Variants in MOCOS observed in about 807,000 individuals in gnomAD.
MOCOS encodes the protein molybdenum cofactor sulfurase, also known as human molybdenum cofactor sulfurase.
Under a neutral mutation model 83.6 loss-of-function variants are expected in MOCOS, and 86 were observed. The observed-to-expected ratio is 1.03, with a 90% CI of 0.86 to 1.23. The LOEUF is 1.23. Ranked by LOEUF, MOCOS falls within the 50% of genes most tolerant of loss-of-function variation. MOCOS has a pLI of 0.00. For synonymous variants in MOCOS, 445 were observed against 434.7 expected (o/e 1.02, Z -0.29); for missense variants, 1,120 against 1,126.9 (o/e 0.99, Z 0.09).
intron 9 of MOCOS, among the ~76,000 whole-genome samples, chr18:36,240,131 A>C (rs1163497161): frequency 7.4e-6 from 1 of 135,790 alleles, no homozygotes; most frequent in Non-Finnish European, 1.6e-5. Context: ...TTCTTCTCTC[A>C]GCTCGTCAAA....
chr18:36,260,026 G>A lies in MOCOS; in HGVS notation c.2271-11G>A. The A allele has an allele frequency of 6.2e-7, 1 of 1,614,096 alleles. No homozygotes were observed. The highest frequency in any genetic ancestry group is 2.2e-5 in the East Asian group (1 of 44,876). On this transcript the variant is annotated splice_polypyrimidine_tract_variant and intron_variant, in intron 12 of 14. Coordinates refer to ENST00000261326, the MANE Select transcript of MOCOS (RefSeq NM_017947.4). ...CTCCCCCTACTTACTCTTTTTGGTT[G>A]CTTTAATCAGTGATGAGAATGGAAA...
intron 7 of MOCOS, among the ~76,000 whole-genome samples, chr18:36,215,197 T>C (rs79735856): frequency 0.022 from 3,414 of 152,314 alleles, 130 homozygotes; most frequent in African/African-American, 0.077. Context: ...AACCTTAGTC[T>C]GTGTTTTGAC....
At chr18:36,243,103 TG>T (rs1404144968) in intron 9 of MOCOS, among the ~76,000 whole-genome samples, 1 of 152,240 alleles carries the variant, frequency 6.6e-6, no homozygotes, top group Non-Finnish European at 1.5e-5. Flanking sequence ...GCAGTGCTAC[TG>T]ATTTGTGTAC....
chr18:36,264,001 C>G (rs1243112441), intron 13 of MOCOS, among the ~76,000 whole-genome samples: 1 of 151,986 alleles, frequency 6.6e-6, no homozygotes, highest in Non-Finnish European at 1.5e-5. Context: ...ACATGCAGAA[C>G]CCGTCTCTAC....
rs751225727 is a variant in MOCOS at position 36,220,188 on chromosome 18, G to A, written c.1931G>A (p.Arg644Gln). ...LCLIQPFIDL[R>Q]QRIMVIKAKG... ...CTGATCCAGCCCTTCATCGACTTGC[G>A]GCAAAGGATCATGGTCATCAAAGCC... The change falls in exon 9 of 15, where the codon CGG becomes CAG. Residue 644 changes from arginine (R) to glutamine (Q), a missense_variant. Arg to Gln is a conservative substitution (Grantham distance 43, BLOSUM62 1). Transcript: ENST00000261326. 7.4e-6 allele frequency: 12 copies of A among 1,613,998 alleles called. No individual in the cohort carries two copies. Among genetic ancestry groups the A allele is most frequent in the East Asian group, 2.2e-5 (1 of 44,888 alleles).
At chr18:36,209,368 G>A (rs1452674963) in intron 6 of MOCOS, among the ~76,000 whole-genome samples, 2 of 151,910 alleles carry the variant, frequency 1.3e-5, no homozygotes, top group Non-Finnish European at 2.9e-5. Flanking sequence ...GTTTTTTATT[G>A]TACAGGTGGT....
At chr18:36,248,774 G>T in intron 9 of MOCOS, 148 bp from the exon 10 acceptor site, 1 of 686,066 alleles carries the variant, frequency 1.5e-6, no homozygotes, top group Non-Finnish European at 2.6e-6. Flanking sequence ...TTATATTTTG[G>T]TTCTGTATCC....
Position 36,215,814 on chromosome 18 carries a change from C to A in MOCOS, c.1634C>A (p.Ser545Ter), listed in dbSNP as rs1424636697. The A allele has an allele frequency of 3.7e-6, 6 of 1,614,084 alleles. No individual in the cohort carries two copies. The highest frequency in any genetic ancestry group is 1.7e-5 in the Admixed American group (1 of 60,006). ...ACAGGCTCCAGGGTTTGGAACAACT[C>A]GTCTACTGTGAATGCTGTGCCTGTG... ...ALTGSRVWNN[S>*]STVNAVPVAP... The change falls in exon 8 of 15, where the codon TCG (serine) becomes TAG (stop). Residue 545 changes from serine to a stop codon, truncating the protein, a stop_gained. Coordinates refer to ENST00000261326, the MANE Select transcript of MOCOS (RefSeq NM_017947.4). LOFTEE classifies it high-confidence loss of function.
At chr18:36,231,542 TTTTG>T (rs962984416) in intron 9 of MOCOS, among the ~76,000 whole-genome samples, 43 of 152,286 alleles carry the variant, frequency 2.8e-4, no homozygotes, top group Middle Eastern at 3.4e-3. Context: ...ATAGTAAGTT[TTTTG>T]TTTGTTTGTT....
At chr18:36,208,448 T>G (rs768668163) in intron 6 of MOCOS, among the ~76,000 whole-genome samples, 49 of 152,296 alleles carry the variant, frequency 3.2e-4, no homozygotes, top group African/African-American at 1.2e-3. Flanking sequence ...TGTTTTTCCA[T>G]TTGTTTGTGT....
chr18:36,263,379 A>C (rs2091670625), intron 13 of MOCOS, among the ~76,000 whole-genome samples: 2 of 152,276 alleles, frequency 1.3e-5, no homozygotes, highest in Admixed American at 6.5e-5. Context: ...ACATGGCTTC[A>C]AAGGAGAAGA....
At chr18:36,195,952 G>A (rs2091385739) in intron 2 of MOCOS, among the ~76,000 whole-genome samples, 1 of 152,030 alleles carries the variant, frequency 6.6e-6, no homozygotes, top group African/African-American at 2.4e-5. Flanking sequence ...GAGTGGAGTG[G>A]ATGCTGGAGG....
intron 13 of MOCOS, among the ~76,000 whole-genome samples, chr18:36,263,701 G>T (rs145156324): frequency 2.0e-5 from 3 of 152,334 alleles, no homozygotes; most frequent in African/African-American, 7.2e-5. Context: ...CTCTGTGGAT[G>T]GGGAGAGGGG....
intron 2 of MOCOS, among the ~76,000 whole-genome samples, chr18:36,195,624 G>A (rs1429191660): frequency 1.3e-5 from 2 of 152,220 alleles, no homozygotes; most frequent in African/African-American, 2.4e-5. Flanking sequence ...GCTGTATTTG[G>A]TGGTGGTGAG....
At chr18:36,218,371 G>A (rs755137704) in intron 8 of MOCOS, among the ~76,000 whole-genome samples, 1 of 151,654 alleles carries the variant, frequency 6.6e-6, no homozygotes, top group East Asian at 1.9e-4. Context: ...ACACCACCAG[G>A]AAGAACATTT....
chr18:36,212,878 A>G (rs2091460291), intron 6 of MOCOS, among the ~76,000 whole-genome samples: 1 of 152,180 alleles, frequency 6.6e-6, no homozygotes, highest in Non-Finnish European at 1.5e-5. Flanking sequence ...CCCTTGGGGA[A>G]TGGAGTACTT....
intron 4 of MOCOS, among the ~76,000 whole-genome samples, chr18:36,201,831 G>A (rs1175993510): frequency 2.0e-5 from 3 of 152,180 alleles, no homozygotes; most frequent in South Asian, 4.2e-4. Context: ...AAAACCTCTT[G>A]ACTCCAAGTG....
At chr18:36,241,813 A>G (rs764065189) in intron 9 of MOCOS, among the ~76,000 whole-genome samples, 1 of 152,238 alleles carries the variant, frequency 6.6e-6, no homozygotes, top group Non-Finnish European at 1.5e-5. Context: ...CACAGGCCCA[A>G]TACCACATGG....
chr18:36,194,730 C>G (rs192279288), intron 1 of MOCOS, among the ~76,000 whole-genome samples: 2 of 152,334 alleles, frequency 1.3e-5, no homozygotes, highest in African/African-American at 4.8e-5. Flanking sequence ...CTGATCTCTG[C>G]CAATCTGATC....
Sources: allele counts gnomAD v4.1 joint callset (sites outside exome capture counted in the v4.1 genomes callset), GRCh38; gene constraint gnomAD v4.1.1; transcripts MANE v1.5; gene names NCBI Gene and HGNC (gene_info 2026-07-23, HGNC 2026-07-21).